FAT3: variants seen among roughly 807,000 people sequenced by gnomAD.
FAT3 encodes FAT atypical cadherin 3.
FAT3 carries 95 observed loss-of-function variants against 310.2 expected under a neutral mutation model. The ratio of observed to expected loss-of-function variants is 0.31; its 90% CI spans 0.26 to 0.36. FAT3 has a LOEUF of 0.36. Ranked by LOEUF, FAT3 falls within the 10% of genes least tolerant of loss-of-function variation. The pLI, the probability that FAT3 is intolerant of heterozygous loss-of-function variation, is 1.00. For synonymous variants in FAT3, 2,314 were observed against 2,192.9 expected, an observed-to-expected ratio of 1.06 and a Z score of -1.54; for missense variants, 5,408 against 5,715.6, an observed-to-expected ratio of 0.95 and a Z score of 1.74.
At chr11:92,535,611 C>G (rs1183761028) in intron 3 of FAT3, among the ~76,000 whole-genome samples, 5 of 152,156 alleles carry the variant, frequency 3.3e-5, no homozygotes, top group Non-Finnish European at 7.3e-5. Context: ...AGTTTTTGAA[C>G]CACTCAAGCT....
At chr11:92,765,715 C>G (rs1276127907) in intron 6 of FAT3, among the ~76,000 whole-genome samples, 1 of 151,746 alleles carries the variant, frequency 6.6e-6, no homozygotes, top group African/African-American at 2.4e-5. Context: ...TCATATATGC[C>G]TCTAACAACT....
At chr11:92,624,227 G>A (rs997811425) in intron 3 of FAT3, among the ~76,000 whole-genome samples, 2 of 152,200 alleles carry the variant, frequency 1.3e-5, no homozygotes, top group African/African-American at 2.4e-5. Flanking sequence ...CCTGCCTGTG[G>A]TTGTGTAGTA....
chr11:92,354,571 A>T lies in FAT3; in HGVS notation c.2459A>T (p.Asn820Ile), dbSNP rs1271004144. 1 of 1,613,876 alleles carries T rather than the reference A, an allele frequency of 6.2e-7. No individual in the cohort carries two copies. The highest frequency in any genetic ancestry group is 8.5e-7 in the Non-Finnish European group (1 of 1,179,862). The change falls in exon 2 of 28, where the codon AAT becomes ATT. Residue 820 changes from asparagine (N) to isoleucine (I), a missense_variant. Around this residue, in one of 5 missense-constraint regions of FAT3, gnomAD observed 4,588 missense variants for 4,809.8 expected, o/e 0.95. Coordinates refer to ENST00000525166, the MANE Select transcript of FAT3 (RefSeq NM_001367949.2). ...QKSSWRLLTI[N>I]VEDANDNSPV... ...TCGTCATGGAGACTGCTGACCATCAATGTGGAGGATGCTAATGACAATAGC... is the reference window on the plus strand; with the variant it reads ...TCGTCATGGAGACTGCTGACCATCATTGTGGAGGATGCTAATGACAATAGC...
Position 92,799,411 on chromosome 11 carries a change from A to G in FAT3, c.6398A>G (p.Asn2133Ser). 9 of 1,613,570 alleles carry G rather than the reference A, an allele frequency of 5.6e-6. No homozygotes were observed. Among genetic ancestry groups the G allele is most frequent in the Non-Finnish European group, 7.6e-6 (9 of 1,179,712 alleles). ...LQDDYGHFEINPNSGNVILKE... is the reference protein window; with the variant it reads ...LQDDYGHFEISPNSGNVILKE... ...GATGACTATGGCCACTTTGAAATTA[A>G]CCCTAATTCAGGGAATGTTATTTTA... is the stretch of plus-strand genomic sequence containing the variant. Residue 2133 changes from asparagine (N) to serine (S), a missense_variant, in exon 10 of 28, where the codon AAC becomes AGC. By Grantham distance (46) the Asn-to-Ser change is conservative. Transcript: ENST00000525166.
intron 3 of FAT3, among the ~76,000 whole-genome samples, chr11:92,646,057 G>A (rs1173230060): frequency 6.6e-6 from 1 of 152,158 alleles, no homozygotes; most frequent in Non-Finnish European, 1.5e-5. Flanking sequence ...AAGATTTAAT[G>A]TCTTACAACA....
intron 3 of FAT3, among the ~76,000 whole-genome samples, chr11:92,637,503 A>G (rs1160004558): frequency 1.3e-5 from 2 of 152,248 alleles, no homozygotes; most frequent in East Asian, 3.8e-4. Context: ...GAATCATTCC[A>G]AAGAATGGCA....
chr11:92,344,914 CA>C (rs1948370211), intron 1 of FAT3, among the ~76,000 whole-genome samples: 1 of 151,992 alleles, frequency 6.6e-6, no homozygotes, highest in Admixed American at 6.6e-5. Context: ...GATTAAAAAG[CA>C]GAGTAAATTT....
At chr11:92,497,984 G>A (rs974049072) in intron 2 of FAT3, among the ~76,000 whole-genome samples, 2 of 151,996 alleles carry the variant, frequency 1.3e-5, no homozygotes, top group Non-Finnish European at 2.9e-5. Flanking sequence ...AAATTCACAT[G>A]CTGAGGCCTG....
chr11:92,556,463 T>C (rs1591444834), intron 3 of FAT3, among the ~76,000 whole-genome samples: 1 of 152,198 alleles, frequency 6.6e-6, no homozygotes, highest in African/African-American at 2.4e-5. Flanking sequence ...TTTTATCAAG[T>C]CCTATTCCTG....
At chr11:92,343,350 A>C (rs1277784737) in intron 1 of FAT3, among the ~76,000 whole-genome samples, 2 of 152,170 alleles carry the variant, frequency 1.3e-5, no homozygotes. Context: ...GCAGAATGAC[A>C]AAGGTGATAT....
At chr11:92,432,807 G>A (rs560799189) in intron 2 of FAT3, among the ~76,000 whole-genome samples, 5 of 152,242 alleles carry the variant, frequency 3.3e-5, no homozygotes, top group African/African-American at 4.8e-5. Flanking sequence ...AGGGAGGAAC[G>A]TTTAAGTCTG....
chr11:92,258,546 G>T (rs1313413853), intron 1 of FAT3, among the ~76,000 whole-genome samples: 1 of 151,826 alleles, frequency 6.6e-6, no homozygotes, highest in African/African-American at 2.4e-5. Context: ...AGCTGTGTAT[G>T]GTTTCATTTG....
At chr11:92,573,089 T>C (rs1938269177) in intron 3 of FAT3, among the ~76,000 whole-genome samples, 1 of 152,194 alleles carries the variant, frequency 6.6e-6, no homozygotes, top group African/African-American at 2.4e-5. Context: ...ACTGTGTTAA[T>C]TTAGCAAATT....
chr11:92,452,966 G>A (rs1278957804), intron 2 of FAT3, among the ~76,000 whole-genome samples: 1 of 151,938 alleles, frequency 6.6e-6, no homozygotes, highest in Non-Finnish European at 1.5e-5. Flanking sequence ...TAGAGATGGG[G>A]TTTCACCATG....
chr11:92,243,473 A>G (rs947843717), intron 1 of FAT3, among the ~76,000 whole-genome samples: 7 of 152,078 alleles, frequency 4.6e-5, no homozygotes, highest in Non-Finnish European at 1.0e-4. Context: ...TTTAAAAAAA[A>G]AAGACTTGCT....
At chr11:92,703,798 C>T (rs989022829) in intron 4 of FAT3, among the ~76,000 whole-genome samples, 1 of 152,244 alleles carries the variant, frequency 6.6e-6, no homozygotes, top group Non-Finnish European at 1.5e-5. Context: ...GGTTTTCCCA[C>T]TGGACATTTT....
chr11:92,615,328 C>A (rs372598769), intron 3 of FAT3, among the ~76,000 whole-genome samples: 28 of 152,234 alleles, frequency 1.8e-4, no homozygotes, highest in African/African-American at 6.5e-4. Context: ...CTCACTGCAA[C>A]CTCCGCCTCC....
At chr11:92,452,450 G>C (rs1442542675) in intron 2 of FAT3, among the ~76,000 whole-genome samples, 1 of 152,112 alleles carries the variant, frequency 6.6e-6, no homozygotes, top group Non-Finnish European at 1.5e-5. Flanking sequence ...GAGGTCCTTC[G>C]AAATTATGAA....
chr11:92,380,611 T>C (rs1412450416), intron 2 of FAT3, among the ~76,000 whole-genome samples: 1 of 152,124 alleles, frequency 6.6e-6, no homozygotes, highest in African/African-American at 2.4e-5. Context: ...CTGAGGCAAA[T>C]CATTTCCCCT....
Sources: allele counts gnomAD v4.1 joint callset (sites outside exome capture counted in the v4.1 genomes callset), GRCh38; gene constraint gnomAD v4.1.1; regional missense constraint gnomAD v4.1.1; transcripts MANE v1.5; gene names NCBI Gene and HGNC (gene_info 2026-07-23, HGNC 2026-07-21).